Variants in TENT2 observed in about 807,000 individuals in gnomAD.
TENT2 encodes terminal nucleotidyltransferase 2, also known as poly(A) RNA polymerase GLD2.
In TENT2, 44 loss-of-function variants were observed where a neutral mutation model predicts 72.2. That is an observed-to-expected ratio of 0.61 (90% CI 0.48 to 0.78). TENT2 has a LOEUF of 0.78. Ranked by LOEUF, TENT2 falls within the 30% of genes least tolerant of loss-of-function variation. TENT2 has a pLI of 0.00. For synonymous variants in TENT2, 212 were observed against 192.5 expected (o/e 1.10, Z -0.84); for missense variants, 541 against 569.6 (o/e 0.95, Z 0.51).
intron 11 of TENT2, among the ~76,000 whole-genome samples, chr5:79,659,554 A>AATG (rs1491177633): frequency 4.2e-5 from 2 of 47,288 alleles, no homozygotes; most frequent in East Asian, 9.4e-4. Context: ...AAAAAAAAAA[A>AATG]TGTATATATA....
chr5:79,642,902 C>G lies in TENT2; in HGVS notation c.743C>G (p.Thr248Ser), dbSNP rs777530109. The change falls in exon 7 of 15, where the codon ACT becomes AGT. Residue 248 changes from threonine to serine, a missense_variant. Coordinates refer to ENST00000453514, the MANE Select transcript of TENT2 (RefSeq NM_001114394.3). ...ACCTTAGTCCATAAACACTTCTGTA[C>G]TAGACTTTGTAAGTCTGACATGCCT... ...ILTLVHKHFC[T>S]RLSGYIERPQ... 1 of 1,610,754 alleles carries G rather than the reference C, an allele frequency of 6.2e-7. No individual in the cohort carries two copies. Among genetic ancestry groups the G allele is most frequent in the East Asian group, 2.2e-5 (1 of 44,708 alleles).
chr5:79,667,768 A>G (rs1809500142), intron 11 of TENT2, among the ~76,000 whole-genome samples: 1 of 152,118 alleles, frequency 6.6e-6, no homozygotes, highest in African/African-American at 2.4e-5. Context: ...CACTAGCATT[A>G]AATGATGCAC....
intron 4 of TENT2, among the ~76,000 whole-genome samples, chr5:79,634,432 G>A (rs1778421093): frequency 6.6e-6 from 1 of 152,062 alleles, no homozygotes; most frequent in Non-Finnish European, 1.5e-5. Flanking sequence ...TGCCTCCCAG[G>A]TTCAAGTGAT....
Position 79,668,987 on chromosome 5 carries a change from C to A in TENT2, c.1167C>A (p.Asp389Glu). The change falls in exon 12 of 15, where the codon GAC becomes GAA. Residue 389 changes from aspartate (D) to glutamate (E), a missense_variant. Asp to Glu is a conservative substitution (Grantham distance 45). Coordinates refer to ENST00000453514, the MANE Select transcript of TENT2 (RefSeq NM_001114394.3). ...CAAAGAATGAATCAAACCTTGGGGA[C>A]CTCTTACTGGGCTTTCTTAAATATT... is the stretch of plus-strand genomic sequence containing the variant. ...YLSKNESNLG[D>E]LLLGFLKYYA... 6.2e-7 allele frequency: 1 copy of A among 1,613,752 alleles called. No individual in the cohort carries two copies. The highest frequency in any genetic ancestry group is 8.5e-7 in the Non-Finnish European group (1 of 1,179,830).
At position 79,648,614 on chromosome 5, in the gene TENT2, T is replaced by C. The variant is rs1446327021; in HGVS notation, c.822-3T>C. On this transcript the variant is annotated splice_region_variant and splice_polypyrimidine_tract_variant and intron_variant, in intron 8 of 14. Coordinates refer to ENST00000453514, the MANE Select transcript of TENT2 (RefSeq NM_001114394.3). The stretch of plus-strand genomic sequence containing the variant: ...ATTTATTTATTTATTTTTTCTTAAA[T>C]AGTTGTGTGGAGTTTGACTTGAATG... The C allele has an allele frequency of 1.3e-6, 2 of 1,548,592 alleles. No individual in the cohort carries two copies. The highest frequency in any genetic ancestry group is 1.2e-5 in the South Asian group (1 of 81,564).
intron 4 of TENT2, among the ~76,000 whole-genome samples, chr5:79,635,855 C>G (rs1333296919): frequency 6.6e-6 from 1 of 152,142 alleles, no homozygotes; most frequent in East Asian, 1.9e-4. Flanking sequence ...CTTGCCCAGC[C>G]AAGAAATTTA....
intron 1 of TENT2, chr5:79,614,208 A>T (rs1379632699): frequency 7.0e-6 from 1 of 143,764 alleles, no homozygotes; most frequent in Non-Finnish European, 1.5e-5. Flanking sequence ...GGTTCAAGCG[A>T]TCTCCTGCCT....
chr5:79,634,154 C>CA (rs542035431), intron 4 of TENT2, among the ~76,000 whole-genome samples: 1,159 of 58,562 alleles, frequency 0.02, 16 homozygotes, highest in African/African-American at 0.051. Flanking sequence ...GACTCCGTCT[C>CA]AAAAAAAAAA....
At chr5:79,679,245 A>G (rs1014770544) in intron 12 of TENT2, among the ~76,000 whole-genome samples, 6 of 152,034 alleles carry the variant, frequency 3.9e-5, no homozygotes, top group African/African-American at 1.5e-4. Context: ...TTTTCAATAA[A>G]TATGTGTTGA....
chr5:79,666,177 C>CG (rs1395651717), intron 11 of TENT2, among the ~76,000 whole-genome samples: 31 of 151,222 alleles, frequency 2.0e-4, no homozygotes, highest in African/African-American at 7.5e-4. Context: ...TTAGTAGAGA[C>CG]GGGGTTTCAC....
At chr5:79,657,375 C>T (rs899100328) in intron 11 of TENT2, among the ~76,000 whole-genome samples, 27 of 151,904 alleles carry the variant, frequency 1.8e-4, no homozygotes, top group Non-Finnish European at 2.9e-5. Flanking sequence ...ATTTTTTGGC[C>T]CAGTATATTT....
chr5:79,634,990 G>A (rs971159360), intron 4 of TENT2, among the ~76,000 whole-genome samples: 8 of 151,890 alleles, frequency 5.3e-5, no homozygotes, highest in African/African-American at 1.7e-4. Context: ...GCTTGGAATA[G>A]TTTTTTTAAA....
chr5:79,666,168 T>C (rs1807647250), intron 11 of TENT2, among the ~76,000 whole-genome samples: 1 of 151,750 alleles, frequency 6.6e-6, no homozygotes, highest in Non-Finnish European at 1.5e-5. Context: ...TTTGTATTTT[T>C]AGTAGAGACG....
At chr5:79,645,844 A>AACAC (rs749453756) in intron 8 of TENT2, among the ~76,000 whole-genome samples, 2 of 98,896 alleles carry the variant, frequency 2.0e-5, no homozygotes, top group Non-Finnish European at 3.6e-5. Flanking sequence ...TGTGCCCACA[A>AACAC]ACACACACAC....
chr5:79,622,165 G>A (rs1307544704), intron 3 of TENT2, among the ~76,000 whole-genome samples: 4 of 152,044 alleles, frequency 2.6e-5, no homozygotes, highest in Admixed American at 1.3e-4. Flanking sequence ...GCTGAGCATC[G>A]TGGCGGGCGC....
rs1824952225 is a variant in TENT2 at position 79,684,396 on chromosome 5, T to C, written c.1381-803T>C. Among the ~76,000 whole-genome samples, 8 of 152,074 alleles carry C rather than the reference T, an allele frequency of 5.3e-5. No homozygotes were observed. The South Asian group carries it at 1.5e-3, about 28-fold the overall frequency. The stretch of plus-strand genomic sequence containing the variant: ...CTCAGCCTCCTGAGTGCTGGGACTA[T>C]AGGCGTGTGCCACCATACCCAGCCA... On this transcript the variant is annotated intron_variant, in intron 14 of 14. Transcript: ENST00000453514.
chr5:79,679,053 A>G (rs1819658924), intron 12 of TENT2, among the ~76,000 whole-genome samples: 1 of 152,014 alleles, frequency 6.6e-6, no homozygotes, highest in African/African-American at 2.4e-5. Context: ...CTACAGGTGC[A>G]CGCTACTGCG....
At chr5:79,683,092 T>A (rs1266626061) in intron 14 of TENT2, among the ~76,000 whole-genome samples, 1 of 152,026 alleles carries the variant, frequency 6.6e-6, no homozygotes, top group African/African-American at 2.4e-5. Flanking sequence ...TGCAGTGGGC[T>A]ATTATCAAGT....
chr5:79,633,167 C>T (rs574588318), intron 4 of TENT2, among the ~76,000 whole-genome samples: 3 of 152,324 alleles, frequency 2.0e-5, no homozygotes, highest in South Asian at 2.1e-4. Flanking sequence ...TTTTATTACA[C>T]ATCTGGCTTT....
Sources: gnomAD v4.1 joint callset for allele counts (sites outside exome capture counted in the v4.1 genomes callset) on GRCh38, gnomAD v4.1.1 for gene constraint, MANE v1.5 for transcripts, NCBI Gene and HGNC (gene_info 2026-07-23, HGNC 2026-07-21) for gene names.